FAM107B: variants seen among roughly 807,000 people sequenced by gnomAD.
FAM107B encodes family with sequence similarity 107 member B.
A neutral mutation model predicts 31.5 loss-of-function variants in FAM107B; 21 were observed. The ratio of observed to expected loss-of-function variants is 0.67; its 90% CI spans 0.47 to 0.96. FAM107B has a LOEUF of 0.96. FAM107B is among the 40% of genes least tolerant of loss of function. The probability of loss-of-function intolerance (pLI) is 0.00; values close to 1 mark genes in which losing one functional copy is unlikely to be tolerated. For synonymous variants in FAM107B, 157 were observed against 141.5 expected, an observed-to-expected ratio of 1.11 and a Z score of -0.78; for missense variants, 452 against 377.1, an observed-to-expected ratio of 1.20 and a Z score of -1.64.
intron 2 of FAM107B, among the ~76,000 whole-genome samples, chr10:14,646,750 T>G (rs1213585935): frequency 6.6e-6 from 1 of 151,880 alleles, no homozygotes; most frequent in East Asian, 1.9e-4. Context: ...GCCATACTGT[T>G]TTCCATTGAG....
At chr10:14,587,459 C>G (rs1017566452) in intron 2 of FAM107B, among the ~76,000 whole-genome samples, 1 of 152,166 alleles carries the variant, frequency 6.6e-6, no homozygotes, top group Non-Finnish European at 1.5e-5. Flanking sequence ...AAAGATAGTT[C>G]TCATACATTT....
chr10:14,586,260 G>T (rs1324590027), intron 2 of FAM107B, among the ~76,000 whole-genome samples: 1 of 151,938 alleles, frequency 6.6e-6, no homozygotes, highest in Non-Finnish European at 1.5e-5. Context: ...CTTCTCTTCA[G>T]AACACTGCTT....
chr10:14,670,862 GA>G (rs1250650223), intron 1 of FAM107B, among the ~76,000 whole-genome samples: 1 of 152,234 alleles, frequency 6.6e-6, no homozygotes, highest in Non-Finnish European at 1.5e-5. Context: ...TCTATTTAGA[GA>G]AAAGAAGCTG....
intron 1 of FAM107B, among the ~76,000 whole-genome samples, chr10:14,669,484 CT>C (rs1854491559): frequency 6.6e-6 from 1 of 151,658 alleles, no homozygotes; most frequent in East Asian, 1.9e-4. Flanking sequence ...ATGGAATCAA[CT>C]ATCAACTTGA....
chr10:14,583,716 GA>G (rs57366706), intron 2 of FAM107B, among the ~76,000 whole-genome samples: 3,742 of 151,688 alleles, frequency 0.025, 162 homozygotes, highest in African/African-American at 0.085. Context: ...GAAGGAGGGG[GA>G]AAAGTTGACA....
intron 2 of FAM107B, chr10:14,602,527 C>T (rs1016481131): frequency 2.0e-5 from 3 of 152,148 alleles, no homozygotes; most frequent in Admixed American, 2.0e-4. Context: ...TCAGGAAAAC[C>T]CTTATTTTAC....
intron 2 of FAM107B, among the ~76,000 whole-genome samples, chr10:14,561,138 T>G (rs1001923534): frequency 6.6e-6 from 1 of 152,196 alleles, no homozygotes; most frequent in Non-Finnish European, 1.5e-5. Context: ...ATCTGGTGAA[T>G]TCATCCTCCC....
At chr10:14,751,647 C>T (rs907512171) in intron 1 of FAM107B, among the ~76,000 whole-genome samples, 1 of 152,034 alleles carries the variant, frequency 6.6e-6, no homozygotes, top group Non-Finnish European at 1.5e-5. Flanking sequence ...AAATTACAGC[C>T]GTGAGCCACT....
chr10:14,694,915 G>A (rs1387964054), intron 1 of FAM107B, among the ~76,000 whole-genome samples: 2 of 152,112 alleles, frequency 1.3e-5, no homozygotes, highest in African/African-American at 4.8e-5. Context: ...CCTTATCAGA[G>A]ATATATTTTG....
intron 2 of FAM107B, among the ~76,000 whole-genome samples, chr10:14,614,680 A>G (rs1464280313): frequency 6.6e-6 from 1 of 150,662 alleles, no homozygotes; most frequent in Admixed American, 6.6e-5. Context: ...CTGTCTCAAA[A>G]AAAAAAAAAA....
At chr10:14,654,963 A>C (rs1017733020) in intron 2 of FAM107B, among the ~76,000 whole-genome samples, 1 of 152,200 alleles carries the variant, frequency 6.6e-6, no homozygotes, top group African/African-American at 2.4e-5. Flanking sequence ...CTGCATTGCT[A>C]TAAAGAAATA....
In FAM107B at chr10:14,525,128, T is replaced by A. The variant is rs775640910; in HGVS notation, c.654-3109A>T. Among the ~76,000 whole-genome samples the A allele has an allele frequency of 6.6e-5, 10 of 152,218 alleles. No homozygotes were observed. The East Asian group carries it at 1.3e-3, about 20-fold the overall frequency. On this transcript the variant is annotated intron_variant, in intron 3 of 4. Coordinates refer to ENST00000181796, the MANE Select transcript of FAM107B (RefSeq NM_031453.4). ...AAAAGTCAAGCATTGCCCATGTAAG[T>A]CTCTAAGTCTAAATGGAACAGAGAT... is the stretch of plus-strand genomic sequence containing the variant.
chr10:14,584,442 G>A (rs112235072), intron 2 of FAM107B, among the ~76,000 whole-genome samples: 10 of 152,234 alleles, frequency 6.6e-5, no homozygotes, highest in Non-Finnish European at 8.8e-5. Flanking sequence ...AGAGTCTTTC[G>A]CTCCATTTTC....
chr10:14,677,619 T>A (rs745421478), intron 1 of FAM107B, among the ~76,000 whole-genome samples: 10 of 150,930 alleles, frequency 6.6e-5, no homozygotes, highest in African/African-American at 1.5e-4. Flanking sequence ...AGACTCCGTC[T>A]CAAAAAACAA....
At chr10:14,551,706 G>A (rs1262288533) in intron 2 of FAM107B, among the ~76,000 whole-genome samples, 1 of 149,910 alleles carries the variant, frequency 6.7e-6, no homozygotes, top group East Asian at 2.0e-4. Context: ...AAAAATATCT[G>A]TATTACCATT....
At chr10:14,647,979 G>C (rs937098558) in intron 2 of FAM107B, among the ~76,000 whole-genome samples, 2 of 151,112 alleles carry the variant, frequency 1.3e-5, no homozygotes, top group Admixed American at 6.6e-5. Context: ...TGAAAAAATG[G>C]AGTGAGAATC....
chr10:14,758,297 C>T (rs888870816), intron 1 of FAM107B, among the ~76,000 whole-genome samples: 1 of 152,156 alleles, frequency 6.6e-6, no homozygotes, highest in African/African-American at 2.4e-5. Context: ...ATAACGGAAG[C>T]TGTTGCATGA....
At chr10:14,610,043 G>A (rs1011562060) in intron 2 of FAM107B, among the ~76,000 whole-genome samples, 2 of 152,178 alleles carry the variant, frequency 1.3e-5, no homozygotes, top group African/African-American at 4.8e-5. Context: ...GGAAAACGAA[G>A]TTAAGAATAT....
chr10:14,638,618 C>G (rs61842737), intron 2 of FAM107B, among the ~76,000 whole-genome samples: 56,662 of 151,956 alleles, frequency 0.37, 11,974 homozygotes, highest in Non-Finnish European at 0.47. Context: ...CTATTTTTGC[C>G]TGCCTTTCAG....
Sources: gnomAD v4.1 joint callset for allele counts (sites outside exome capture counted in the v4.1 genomes callset) on GRCh38, gnomAD v4.1.1 for gene constraint, MANE v1.5 for transcripts, NCBI Gene and HGNC (gene_info 2026-07-23, HGNC 2026-07-21) for gene names.